SGCD: variants seen among roughly 807,000 people sequenced by gnomAD.
The protein encoded by SGCD is sarcoglycan delta, also known as delta-sarcoglycan.
Under a neutral mutation model 36.6 loss-of-function variants are expected in SGCD, and 18 were observed. The observed-to-expected ratio is 0.49, with a 90% CI of 0.34 to 0.73. The LOEUF (loss-of-function observed/expected upper bound fraction) is 0.73. Ranked by LOEUF, SGCD falls within the 30% of genes least tolerant of loss-of-function variation. The probability of loss-of-function intolerance (pLI) is 0.01; values close to 1 mark genes in which losing one functional copy is unlikely to be tolerated. For missense variants in SGCD, 387 were observed against 346.7 expected, an observed-to-expected ratio of 1.12 and a Z score of -0.92; for synonymous variants, 133 against 130.6, an observed-to-expected ratio of 1.02 and a Z score of -0.12.
the SGCD span, among the ~76,000 whole-genome samples, chr5:155,786,886 C>CA: frequency 6.6e-6 from 1 of 152,266 alleles, no homozygotes; most frequent in Non-Finnish European, 1.5e-5. Flanking sequence ...GGCTTAAAGA[C>CA]AAAACCTGTG....
intron 3 of SGCD, among the ~76,000 whole-genome samples, chr5:156,207,405 G>A (rs185669098): frequency 1.4e-4 from 21 of 152,262 alleles, no homozygotes; most frequent in African/African-American, 4.3e-4. Flanking sequence ...AATGTGAGCA[G>A]CTTAGGCTAG....
At chr5:156,010,255 T>C (rs1758832890) in intron 1 of SGCD, among the ~76,000 whole-genome samples, 1 of 152,220 alleles carries the variant, frequency 6.6e-6, no homozygotes, top group African/African-American at 2.4e-5. Flanking sequence ...GTTGATTAAA[T>C]AACATCTTAA....
At chr5:155,959,797 A>G (rs1309529912) in intron 1 of SGCD, among the ~76,000 whole-genome samples, 3 of 152,124 alleles carry the variant, frequency 2.0e-5, no homozygotes, top group Admixed American at 1.3e-4. Flanking sequence ...AACTTATTTA[A>G]TTCTCATAAT....
the SGCD span, among the ~76,000 whole-genome samples, chr5:155,857,331 A>G: frequency 1.3e-5 from 2 of 152,218 alleles, no homozygotes; most frequent in Non-Finnish European, 2.9e-5. Flanking sequence ...ATATTTGTCA[A>G]TATAAAGAGT....
At chr5:156,342,579 A>G (rs1768720059) in intron 2 of SGCD, among the ~76,000 whole-genome samples, 1 of 152,154 alleles carries the variant, frequency 6.6e-6, no homozygotes, top group Non-Finnish European at 1.5e-5. Context: ...TTTGATCTTC[A>G]TGTTTAAAAA....
chr5:156,467,625 C>G (rs1189463290), intron 3 of SGCD, among the ~76,000 whole-genome samples: 1 of 152,186 alleles, frequency 6.6e-6, no homozygotes, highest in Non-Finnish European at 1.5e-5. Flanking sequence ...TTAATACTTT[C>G]AATCTCTAGA....
chr5:155,994,501 G>A lies in SGCD; in HGVS notation c.-281-123377G>A, dbSNP rs1371294274. Among the ~76,000 whole-genome samples the A allele has an allele frequency of 3.3e-5, 5 of 152,276 alleles. No homozygotes were observed. In the South Asian group the frequency reaches 1.0e-3, roughly 32 times the overall value. ...AGGAAGCAAGGTCATATTTGGTAACGATGTGATGTTATAGGTTTTATAAAG... is the reference window on the plus strand; with the variant it reads ...AGGAAGCAAGGTCATATTTGGTAACAATGTGATGTTATAGGTTTTATAAAG... On this transcript the variant is annotated intron_variant, in intron 1 of 9. Coordinates refer to the SGCD transcript ENST00000517913.
chr5:155,905,612 T>C (rs1023301560), intron 1 of SGCD, among the ~76,000 whole-genome samples: 1 of 152,180 alleles, frequency 6.6e-6, no homozygotes, highest in African/African-American at 2.4e-5. Flanking sequence ...ATGGTTTGGC[T>C]GTGTCCCCAG....
rs528189378 is a variant in SGCD at position 156,104,179 on chromosome 5, A to G, written c.-281-13699A>G. 2.0e-5 allele frequency among the ~76,000 whole-genome samples: 3 copies of G among 152,266 alleles called. No homozygotes were observed. The East Asian group carries it at 5.8e-4, about 29-fold the overall frequency. On this transcript the variant is annotated intron_variant, in intron 1 of 9. Coordinates refer to the SGCD transcript ENST00000517913. ...TGGTTAAACTTACTACATATTAAAGAATTTGTAAGACTCTTAGGTTACATG... is the reference window on the plus strand; with the variant it reads ...TGGTTAAACTTACTACATATTAAAGGATTTGTAAGACTCTTAGGTTACATG...
chr5:156,442,468 A>G (rs949931802), intron 3 of SGCD, among the ~76,000 whole-genome samples: 2 of 152,192 alleles, frequency 1.3e-5, no homozygotes, highest in African/African-American at 4.8e-5. Flanking sequence ...TTGTTAAATT[A>G]TTTCATTTTT....
the SGCD span, among the ~76,000 whole-genome samples, chr5:155,760,127 C>T: frequency 6.6e-6 from 1 of 151,930 alleles, no homozygotes; most frequent in African/African-American, 2.4e-5. Flanking sequence ...ACCTCTCCAT[C>T]ATCATCTCCA....
At chr5:156,530,000 A>C (rs764348526) in intron 4 of SGCD, among the ~76,000 whole-genome samples, 13 of 152,234 alleles carry the variant, frequency 8.5e-5, no homozygotes, top group Non-Finnish European at 1.6e-4. Context: ...TGCATATTGG[A>C]GGGGGAGAAG....
intron 7 of SGCD, among the ~76,000 whole-genome samples, chr5:156,731,505 C>A (rs1157942760): frequency 6.6e-6 from 1 of 152,070 alleles, no homozygotes; most frequent in Non-Finnish European, 1.5e-5. Flanking sequence ...GTCCTTTTTC[C>A]ATTGCTTGTT....
intron 6 of SGCD, among the ~76,000 whole-genome samples, chr5:156,625,147 C>T (rs1341635794): frequency 2.0e-5 from 3 of 152,184 alleles, no homozygotes. Context: ...CTCCCCAGCA[C>T]CATAGGAATG....
At chr5:155,772,706 T>C in the SGCD span, among the ~76,000 whole-genome samples, 2 of 152,188 alleles carry the variant, frequency 1.3e-5, no homozygotes, top group Non-Finnish European at 2.9e-5. Flanking sequence ...ATTTGTGTAC[T>C]GATTTTGTAA....
intron 3 of SGCD, among the ~76,000 whole-genome samples, chr5:156,453,794 AACTG>A (rs1754131552): frequency 1.3e-5 from 2 of 152,226 alleles, no homozygotes; most frequent in African/African-American, 4.8e-5. Context: ...TTGGTCAGCA[AACTG>A]CTGATACATG....
chr5:155,728,371 G>A, the SGCD span, among the ~76,000 whole-genome samples: 1 of 152,220 alleles, frequency 6.6e-6, no homozygotes, highest in East Asian at 1.9e-4. Flanking sequence ...TGCGGGAGCT[G>A]CGGCCGCCTT....
intron 3 of SGCD, chr5:156,458,394 T>C (rs1581023757): frequency 6.4e-7 from 1 of 1,567,168 alleles, no homozygotes; most frequent in Non-Finnish European, 8.8e-7. Flanking sequence ...AAAGGAAAAC[T>C]TACTGTTGAT....
chr5:156,017,147 T>A (rs1238213538), intron 1 of SGCD, among the ~76,000 whole-genome samples: 1 of 152,210 alleles, frequency 6.6e-6, no homozygotes, highest in African/African-American at 2.4e-5. Context: ...AACATCTTTT[T>A]ATATGTTTAA....
Sources: gnomAD v4.1 joint callset for allele counts (sites outside exome capture counted in the v4.1 genomes callset) on GRCh38, gnomAD v4.1.1 for gene constraint, MANE v1.5 for transcripts, NCBI Gene and HGNC (gene_info 2026-07-23, HGNC 2026-07-21) for gene names.